DGKB: variants seen among roughly 807,000 people sequenced by gnomAD.
DGKB encodes the protein diacylglycerol kinase beta.
DGKB carries 67 observed loss-of-function variants against 114.3 expected under a neutral mutation model. That is an observed-to-expected ratio of 0.59 (90% CI 0.48 to 0.72). The LOEUF (loss-of-function observed/expected upper bound fraction) is 0.72. Ranked by LOEUF, DGKB falls within the 30% of genes least tolerant of loss-of-function variation. The probability of loss-of-function intolerance (pLI) is 0.00; values close to 1 mark genes in which losing one functional copy is unlikely to be tolerated. For missense variants in DGKB, 907 were observed against 975.2 expected (o/e 0.93, Z 0.93); for synonymous variants, 398 against 323.1 (o/e 1.23, Z -2.49).
Position 14,314,264 on chromosome 7 carries a change from G to A in DGKB, c.2122+24251C>T, listed in dbSNP as rs965640031. ...AGGAACGCAGCTCCTCACCAGCAAC[G>A]GAACAAAGCTGGACAGAGAATGACT... On this transcript the variant is annotated intron_variant, in intron 23 of 25. Coordinates refer to ENST00000402815, the MANE Select transcript of DGKB (RefSeq NM_001350709.2). 2.6e-5 allele frequency among the ~76,000 whole-genome samples: 4 copies of A among 152,244 alleles called. No individual in the cohort carries two copies. In the East Asian group the frequency reaches 5.8e-4, roughly 22 times the overall value.
chr7:14,774,428 T>G (rs543019455), intron 2 of DGKB, among the ~76,000 whole-genome samples: 3 of 152,178 alleles, frequency 2.0e-5, no homozygotes, highest in Non-Finnish European at 4.4e-5. Context: ...ATAGAGGCTG[T>G]ATGAAATGGA....
chr7:14,747,769 CCA>C (rs797012022), intron 4 of DGKB, among the ~76,000 whole-genome samples: 16 of 92,822 alleles, frequency 1.7e-4, no homozygotes, highest in African/African-American at 8.0e-4. Flanking sequence ...TCAAACACAT[CCA>C]CGCGCACGCA....
intron 21 of DGKB, among the ~76,000 whole-genome samples, chr7:14,381,345 T>C (rs1400678403): frequency 6.6e-6 from 1 of 152,194 alleles, no homozygotes; most frequent in Non-Finnish European, 1.5e-5. Flanking sequence ...CCTGAGATAA[T>C]AATTTGAATA....
intron 14 of DGKB, 80 bp downstream of exon 14, chr7:14,630,156 C>A (rs941472824): frequency 4.1e-5 from 36 of 888,538 alleles, no homozygotes; most frequent in Non-Finnish European, 5.7e-5. Flanking sequence ...ACTGAGCCAG[C>A]ACAAAATGTT....
intron 1 of DGKB, among the ~76,000 whole-genome samples, chr7:14,964,783 A>T (rs1174412297): frequency 6.6e-6 from 1 of 152,142 alleles, no homozygotes; most frequent in Non-Finnish European, 1.5e-5. Context: ...TGCAAAAGGG[A>T]TAATTTCTTG....
chr7:14,842,109 TCA>T (rs1272819824), intron 1 of DGKB, among the ~76,000 whole-genome samples: 1 of 152,228 alleles, frequency 6.6e-6, no homozygotes, highest in Non-Finnish European at 1.5e-5. Context: ...AACATTTTTA[TCA>T]GAGACTATAA....
At chr7:14,926,564 C>G (rs1470395164) in intron 1 of DGKB, among the ~76,000 whole-genome samples, 2 of 150,960 alleles carry the variant, frequency 1.3e-5, no homozygotes, top group African/African-American at 2.4e-5. Context: ...GTCATGGAAC[C>G]AGAAGTCCCA....
intron 13 of DGKB, among the ~76,000 whole-genome samples, chr7:14,634,564 A>C (rs571150538): frequency 6.6e-6 from 1 of 151,386 alleles, no homozygotes; most frequent in East Asian, 1.9e-4. Context: ...TTAATTTAAC[A>C]CAATAACTTC....
chr7:14,877,858 T>C (rs1853549574), intron 1 of DGKB, among the ~76,000 whole-genome samples: 1 of 152,138 alleles, frequency 6.6e-6, no homozygotes, highest in Non-Finnish European at 1.5e-5. Context: ...TTAGGAAAAA[T>C]CGTATATAGA....
At chr7:14,936,580 G>T (rs916690993) in intron 1 of DGKB, among the ~76,000 whole-genome samples, 7 of 152,198 alleles carry the variant, frequency 4.6e-5, no homozygotes, top group African/African-American at 1.7e-4. Context: ...TCTTCAAAAA[G>T]AAGCAGGAAA....
chr7:14,218,165 G>GAAT (rs1488913744), intron 23 of DGKB, among the ~76,000 whole-genome samples: 1 of 151,964 alleles, frequency 6.6e-6, no homozygotes, highest in African/African-American at 2.4e-5. Context: ...TGAGAGAAAA[G>GAAT]AATAATCAGT....
At chr7:14,255,948 T>G (rs573833685) in intron 23 of DGKB, among the ~76,000 whole-genome samples, 146 of 152,294 alleles carry the variant, frequency 9.6e-4, no homozygotes, top group African/African-American at 3.2e-3. Context: ...CTGTCCTATA[T>G]TCTTGACCTT....
At chr7:14,887,105 CTGTT>C (rs1484491916) in intron 1 of DGKB, among the ~76,000 whole-genome samples, 6 of 151,778 alleles carry the variant, frequency 4.0e-5, no homozygotes, top group Non-Finnish European at 7.4e-5. Flanking sequence ...GTGTGATTTC[CTGTT>C]TATTTGTGTG....
intron 17 of DGKB, among the ~76,000 whole-genome samples, chr7:14,586,269 G>A (rs1435216845): frequency 1.3e-5 from 2 of 152,236 alleles, no homozygotes; most frequent in African/African-American, 2.4e-5. Flanking sequence ...TAGGGAGAAT[G>A]TTTTAGTGGT....
intron 1 of DGKB, among the ~76,000 whole-genome samples, chr7:14,927,148 A>G (rs761499473): frequency 8.6e-6 from 1 of 116,730 alleles, no homozygotes; most frequent in Non-Finnish European, 2.2e-5. Flanking sequence ...TGGCTGGTAG[A>G]TACTTTTACT....
chr7:14,852,577 T>C (rs985882258), intron 1 of DGKB, among the ~76,000 whole-genome samples: 3 of 148,356 alleles, frequency 2.0e-5, no homozygotes, highest in Admixed American at 1.4e-4. Flanking sequence ...GTAGGACATG[T>C]TTTGTTATTT....
chr7:14,149,168 G>T lies in DGKB; in HGVS notation c.2375C>A (p.Ser792Tyr). 1 of 1,613,520 alleles carries T rather than the reference G, an allele frequency of 6.2e-7. No homozygotes were observed. Among genetic ancestry groups the T allele is most frequent in the Non-Finnish European group, 8.5e-7 (1 of 1,179,568 alleles). Reference sequence around the variant, plus strand: ...TCGGTTTCTTGTCCTTTTGACGAGGGAGCAGAATAAACCGGTTTTTGGAGG... The same window carrying T: ...TCGGTTTCTTGTCCTTTTGACGAGGTAGCAGAATAAACCGGTTTTTGGAGG... ...GPPPKTGLFCSLVKRTRNRSK... is the reference protein window; with the variant it reads ...GPPPKTGLFCYLVKRTRNRSK... Residue 792 changes from serine to tyrosine, a missense_variant, in exon 26 of 26, where the codon TCC becomes TAC. Physicochemically the swap from Ser to Tyr is moderately radical, Grantham distance 144. This residue lies in a region of DGKB where 58 missense variants were observed against 52.5 expected (regional missense o/e 1.10). Coordinates refer to ENST00000402815, the MANE Select transcript of DGKB (RefSeq NM_001350709.2).
At chr7:14,185,301 C>A (rs746932204) in intron 23 of DGKB, among the ~76,000 whole-genome samples, 2 of 151,972 alleles carry the variant, frequency 1.3e-5, no homozygotes, top group Non-Finnish European at 2.9e-5. Flanking sequence ...TAGGAATATA[C>A]CTAACCAAGG....
chr7:14,631,199 A>C (rs1809619058), intron 13 of DGKB, among the ~76,000 whole-genome samples: 1 of 150,792 alleles, frequency 6.6e-6, no homozygotes, highest in South Asian at 2.1e-4. Flanking sequence ...GGTATGAAAA[A>C]TCTGATAGTC....
Sources: gnomAD v4.1 joint callset for allele counts (sites outside exome capture counted in the v4.1 genomes callset) on GRCh38, gnomAD v4.1.1 for gene constraint, gnomAD v4.1.1 regional missense constraint, MANE v1.5 for transcripts, NCBI Gene and HGNC (gene_info 2026-07-23, HGNC 2026-07-21) for gene names.